FBXO10: variants seen among roughly 807,000 people sequenced by gnomAD.
FBXO10 encodes F-box only protein 10.
A neutral mutation model predicts 80.7 loss-of-function variants in FBXO10; 39 were observed. The observed-to-expected ratio is 0.48, with a 90% CI of 0.37 to 0.63. FBXO10 has a LOEUF of 0.63. Among genes scored for constraint, FBXO10 ranks in the 30% least tolerant of loss-of-function variants. The pLI, the probability that FBXO10 is intolerant of heterozygous loss-of-function variation, is 0.00. For synonymous variants in FBXO10, 449 were observed against 489.6 expected, an observed-to-expected ratio of 0.92 and a Z score of 1.09; for missense variants, 1,025 against 1,269.0, an observed-to-expected ratio of 0.81 and a Z score of 2.92.
chr9:37,550,049 TAAG>T (rs965445563), intron 1 of FBXO10, among the ~76,000 whole-genome samples: 3 of 152,088 alleles, frequency 2.0e-5, no homozygotes, highest in African/African-American at 7.2e-5. Flanking sequence ...AATAATTTTA[TAAG>T]AAGATTTTAT....
chr9:37,559,100 C>T (rs970526414), intron 1 of FBXO10, among the ~76,000 whole-genome samples: 8 of 152,120 alleles, frequency 5.3e-5, no homozygotes, highest in Non-Finnish European at 8.8e-5. Flanking sequence ...TGAGCCACCG[C>T]GCCTGGCCGA....
intron 2 of FBXO10, 24 bp from the exon 3 acceptor site, chr9:37,537,967 G>T: frequency 1.3e-6 from 2 of 1,581,036 alleles, no homozygotes; most frequent in Non-Finnish European, 1.7e-6. Flanking sequence ...AGAAGAAAAC[G>T]GCTGTAAGAG....
At chr9:37,547,169 C>T (rs1164960406) in intron 1 of FBXO10, among the ~76,000 whole-genome samples, 1 of 152,190 alleles carries the variant, frequency 6.6e-6, no homozygotes, top group African/African-American at 2.4e-5. Context: ...AAACTGGAAA[C>T]AACCCAAACA....
chr9:37,575,635 C>T (rs1252732556), intron 1 of FBXO10: 1 of 152,246 alleles, frequency 6.6e-6, no homozygotes, highest in African/African-American at 2.4e-5. Flanking sequence ...CCTCAAATGA[C>T]TTTCCCCTCT....
rs1237905598 is a variant in FBXO10 at position 37,512,227 on chromosome 9, TA to T, written c.*319del. The T allele has an allele frequency of 6.8e-5, 15 of 220,942 alleles. No individual in the cohort carries two copies. The highest frequency in any genetic ancestry group is 2.3e-4 in the African/African-American group (10 of 44,128). The allele number at this position is 220,942 out of a possible 1,614,324, so 13.7% of individuals were successfully genotyped here. On this transcript the variant is annotated 3_prime_UTR_variant, in exon 11 of 11. Coordinates refer to ENST00000432825, the MANE Select transcript of FBXO10 (RefSeq NM_012166.3). The stretch of plus-strand genomic sequence containing the variant: ...GAGAAGAGTCTGGGTTTGGTGTGTG[TA>T]AAACACAGTTCCTTAGAACTCAGAG...
At chr9:37,520,522 CTT>C (rs1191753429) in intron 8 of FBXO10, among the ~76,000 whole-genome samples, 10,326 of 83,326 alleles carry the variant, frequency 0.12, 204 homozygotes, top group African/African-American at 0.19. Flanking sequence ...CCTTCTTCTT[CTT>C]TTTTTTTTTT....
chr9:37,565,189 G>C (rs1001267897), intron 1 of FBXO10, among the ~76,000 whole-genome samples: 1 of 152,110 alleles, frequency 6.6e-6, no homozygotes, highest in Non-Finnish European at 1.5e-5. Flanking sequence ...CACCATGATT[G>C]TAAGTTTCCT....
intron 1 of FBXO10, among the ~76,000 whole-genome samples, chr9:37,556,648 A>T (rs1299976544): frequency 1.4e-5 from 2 of 142,750 alleles, no homozygotes; most frequent in African/African-American, 5.3e-5. Flanking sequence ...AGTTCAAGCC[A>T]TTCTCCTACC....
intron 1 of FBXO10, among the ~76,000 whole-genome samples, chr9:37,563,315 A>C (rs1822526728): frequency 6.6e-6 from 1 of 152,190 alleles, no homozygotes; most frequent in African/African-American, 2.4e-5. Flanking sequence ...AGAACAGACT[A>C]ATACAGTAAA....
At chr9:37,525,561 A>AT (rs11428862) in intron 5 of FBXO10, among the ~76,000 whole-genome samples, 10,920 of 148,520 alleles carry the variant, frequency 0.074, 505 homozygotes, top group South Asian at 0.12. Flanking sequence ...ATATATATAC[A>AT]TTTTTTTTTT....
intron 1 of FBXO10, among the ~76,000 whole-genome samples, chr9:37,574,351 T>C (rs1822840710): frequency 6.6e-6 from 1 of 152,218 alleles, no homozygotes; most frequent in African/African-American, 2.4e-5. Flanking sequence ...CGGAAACTCA[T>C]GGTGACCTGG....
intron 1 of FBXO10, among the ~76,000 whole-genome samples, chr9:37,559,588 T>C (rs1822425273): frequency 6.6e-6 from 1 of 152,238 alleles, no homozygotes; most frequent in Admixed American, 6.5e-5. Flanking sequence ...CCAGTTTTCT[T>C]TCCTTCTGGG....
chr9:37,529,317 G>A, intron 4 of FBXO10, 57 bp from the exon 5 acceptor site: 1 of 1,556,032 alleles, frequency 6.4e-7, no homozygotes, highest in African/African-American at 1.4e-5. Context: ...GCGAAGCAGA[G>A]TGCCCAGGTG....
chr9:37,538,908 G>A (rs779998095), intron 2 of FBXO10, among the ~76,000 whole-genome samples: 4 of 152,146 alleles, frequency 2.6e-5, no homozygotes, highest in Non-Finnish European at 5.9e-5. Context: ...AAGGAGCAGA[G>A]TGTCCTCAAG....
intron 1 of FBXO10, among the ~76,000 whole-genome samples, chr9:37,566,067 G>A (rs530758683): frequency 1.2e-4 from 19 of 152,104 alleles, no homozygotes; most frequent in Non-Finnish European, 2.6e-4. Context: ...GGACCATGGG[G>A]AGCTGCCATG....
Position 37,537,938 on chromosome 9 carries a change from T to C in FBXO10, c.591A>G (p.Thr197=), listed in dbSNP as rs369168319. Reference sequence around the variant, plus strand: ...AGTTGTCAAACTGGACGTGACCTGATGTTGTCTGGGGAATGAAAAGAAGAA... The same window carrying C: ...AGTTGTCAAACTGGACGTGACCTGACGTTGTCTGGGGAATGAAAAGAAGAA... ...AWFSPIMYKT[T]SGHVQFDNCN... is the part of the protein sequence containing the mutation. Residue 197 remains threonine (T), a synonymous_variant, in exon 3 of 11, where the codon ACA becomes ACG. Coordinates refer to ENST00000432825, the MANE Select transcript of FBXO10 (RefSeq NM_012166.3). The C allele has an allele frequency of 2.4e-4, 380 of 1,612,802 alleles. No homozygotes were observed. The highest frequency in any genetic ancestry group is 3.1e-4 in the Non-Finnish European group (370 of 1,179,152).
rs552218084 is a variant in FBXO10 at position 37,554,313 on chromosome 9, G to A, written c.-6-12539C>T. Reference sequence around the variant, plus strand: ...ATCATGTCAAAAATGTTATATAAGTGGAATTATACAGTGTGTCACCTATTG... The same window carrying A: ...ATCATGTCAAAAATGTTATATAAGTAGAATTATACAGTGTGTCACCTATTG... On this transcript the variant is annotated intron_variant, in intron 1 of 10. Transcript: ENST00000432825. 3.3e-5 allele frequency among the ~76,000 whole-genome samples: 5 copies of A among 152,234 alleles called. No individual in the cohort carries two copies. The South Asian group carries it at 1.0e-3, about 32-fold the overall frequency.
At chr9:37,534,415 C>G (rs1461043868) in intron 3 of FBXO10, among the ~76,000 whole-genome samples, 1 of 152,136 alleles carries the variant, frequency 6.6e-6, no homozygotes, top group Non-Finnish European at 1.5e-5. Context: ...GAGCCCAGAT[C>G]GTGCCACTGC....
intron 1 of FBXO10, among the ~76,000 whole-genome samples, chr9:37,553,380 C>T (rs191200954): frequency 1.5e-4 from 23 of 152,138 alleles, no homozygotes; most frequent in East Asian, 1.4e-3. Context: ...TGGACTGACA[C>T]GTATTTTATG....
Sources: allele counts gnomAD v4.1 joint callset (sites outside exome capture counted in the v4.1 genomes callset), GRCh38; gene constraint gnomAD v4.1.1; transcripts MANE v1.5; gene names NCBI Gene and HGNC (gene_info 2026-07-23, HGNC 2026-07-21).